Variants in PLSCR2 observed in about 807,000 individuals in gnomAD.
The protein encoded by PLSCR2 is phospholipid scramblase 2.
PLSCR2 carries 18 observed loss-of-function variants against 25.3 expected under a neutral mutation model. The ratio of observed to expected loss-of-function variants is 0.71; its 90% CI spans 0.49 to 1.06. The LOEUF is 1.06. Ranked by LOEUF, PLSCR2 falls within the 50% of genes least tolerant of loss-of-function variation. The pLI is 0.00. For synonymous variants in PLSCR2, 88 were observed against 87.3 expected, an observed-to-expected ratio of 1.01 and a Z score of -0.04; for missense variants, 243 against 269.5, an observed-to-expected ratio of 0.90 and a Z score of 0.69.
intron 2 of PLSCR2, among the ~76,000 whole-genome samples, chr3:146,426,276 T>TC (rs569745758): frequency 7.0e-6 from 1 of 143,394 alleles, no homozygotes; most frequent in Non-Finnish European, 1.5e-5. Context: ...CTTCCTTCTT[T>TC]TCTTCCTTCC....
intron 2 of PLSCR2, among the ~76,000 whole-genome samples, chr3:146,406,579 C>G (rs952312748): frequency 6.6e-6 from 1 of 152,126 alleles, no homozygotes; most frequent in Non-Finnish European, 1.5e-5. Flanking sequence ...CAAAAACAAA[C>G]AAGTGAGGTA....
chr3:146,487,014 T>C (rs1265447804), intron 1 of PLSCR2, among the ~76,000 whole-genome samples: 1 of 152,036 alleles, frequency 6.6e-6, no homozygotes, highest in African/African-American at 2.4e-5. Flanking sequence ...GTTCAACATA[T>C]GCAAATCAAT....
intron 1 of PLSCR2, among the ~76,000 whole-genome samples, chr3:146,483,509 A>ATATGTGTATATATATATATATATATAT (rs1553791539): frequency 7.9e-6 from 1 of 127,074 alleles, no homozygotes; most frequent in Non-Finnish European, 1.7e-5. Context: ...ATATATATAT[A>ATATGTGTATATATATATATATATATAT]ATGTTACTAC....
intron 1 of PLSCR2, among the ~76,000 whole-genome samples, chr3:146,492,578 C>CA (rs373265963): frequency 3.3e-5 from 5 of 151,552 alleles, no homozygotes; most frequent in African/African-American, 1.2e-4. Context: ...TAAGTCAGAT[C>CA]AAAAAAAATT....
At chr3:146,408,979 G>A (rs563112583) in intron 2 of PLSCR2, among the ~76,000 whole-genome samples, 8 of 152,156 alleles carry the variant, frequency 5.3e-5, no homozygotes, top group Non-Finnish European at 8.8e-5. Flanking sequence ...GCCTCTCTTC[G>A]GATACATTTC....
At chr3:146,456,844 T>C (rs1174879030) in intron 3 of PLSCR2, among the ~76,000 whole-genome samples, 1 of 152,084 alleles carries the variant, frequency 6.6e-6, no homozygotes, top group African/African-American at 2.4e-5. Flanking sequence ...TAAAAACTGG[T>C]AAATGTGGAA....
At chr3:146,483,145 A>G (rs899743819) in intron 1 of PLSCR2, among the ~76,000 whole-genome samples, 1 of 151,904 alleles carries the variant, frequency 6.6e-6, no homozygotes, top group African/African-American at 2.4e-5. Flanking sequence ...CCCATCTGAC[A>G]AAGGGCTAAT....
chr3:146,486,068 AT>A (rs1323556517), intron 1 of PLSCR2, among the ~76,000 whole-genome samples: 1 of 151,852 alleles, frequency 6.6e-6, no homozygotes, highest in Non-Finnish European at 1.5e-5. Context: ...GCCAAACTGT[AT>A]CAGTAAATAA....
chr3:146,484,401 C>A (rs1348780683), intron 1 of PLSCR2, among the ~76,000 whole-genome samples: 1 of 151,864 alleles, frequency 6.6e-6, no homozygotes, highest in Non-Finnish European at 1.5e-5. Context: ...CCCAACCTAG[C>A]AAGACAGGCC....
chr3:146,392,660 AAATATTT>A (rs762939034), intron 3 of PLSCR2, among the ~76,000 whole-genome samples: 3 of 151,474 alleles, frequency 2.0e-5, no homozygotes, highest in Non-Finnish European at 4.4e-5. Flanking sequence ...ATTTGCTTTT[AAATATTT>A]AATATTATGA....
intron 1 of PLSCR2, among the ~76,000 whole-genome samples, chr3:146,483,802 A>G (rs2043245759): frequency 6.6e-6 from 1 of 151,242 alleles, no homozygotes; most frequent in Non-Finnish European, 1.5e-5. Context: ...CTCAAAGATC[A>G]AAACTACACA....
chr3:146,441,806 C>A lies in PLSCR2; in HGVS notation c.661G>T (p.Glu221Ter). Residue 221 changes from glutamate to a stop codon, truncating the protein, a stop_gained, in exon 7 of 7, where the codon GAA becomes TAA. Transcript: ENST00000610787. LOFTEE classifies it high-confidence loss of function. ...CATTCCAGTCATTACCTAGTTCTTT[C>A]AAAAAACATGTAGTCCTGGATAAAA... 1 of 1,590,430 alleles carries A rather than the reference C, an allele frequency of 6.3e-7. No individual in the cohort carries two copies. Among genetic ancestry groups the A allele is most frequent in the Non-Finnish European group, 8.6e-7 (1 of 1,164,632 alleles).
intron 1 of PLSCR2, 60 bp downstream of exon 1, chr3:146,469,435 C>T (rs182347588): frequency 4.3e-6 from 4 of 919,904 alleles, no homozygotes; most frequent in South Asian, 1.0e-4. Context: ...GAGCATCGTC[C>T]CCACTAGCCA....
In PLSCR2 at chr3:146,393,563, C is replaced by T. The variant is rs371834841; in HGVS notation, c.*146-2001G>A. 3.5e-4 allele frequency among the ~76,000 whole-genome samples: 53 copies of T among 151,694 alleles called. No homozygotes were observed. In the South Asian group the frequency reaches 0.01, roughly 29 times the overall value. ...CAGTGGCTCACGTCTGTAATCCCAG[C>T]ACTTTGGGAGGCCGAGGCGGGCAGA... On this transcript the variant is annotated intron_variant and NMD_transcript_variant, in intron 3 of 3. Transcript: ENST00000463633.
At chr3:146,434,186 A>G (rs1238695968) in intron 8 of PLSCR2, among the ~76,000 whole-genome samples, 2 of 152,176 alleles carry the variant, frequency 1.3e-5, no homozygotes, top group East Asian at 3.8e-4. Flanking sequence ...TGTCAGGATA[A>G]CATATCTCAC....
downstream of PLSCR2, among the ~76,000 whole-genome samples, chr3:146,436,858 T>C (rs1341861684): frequency 2.6e-5 from 4 of 152,190 alleles, no homozygotes; most frequent in African/African-American, 7.2e-5. Context: ...GTGCCAGTTT[T>C]CAAAGGGAAT....
chr3:146,434,661 TTTTA>T (rs1162151503), intron 8 of PLSCR2, among the ~76,000 whole-genome samples: 11 of 152,012 alleles, frequency 7.2e-5, no homozygotes, highest in Admixed American at 6.6e-4. Flanking sequence ...AAACAAATGA[TTTTA>T]TTTATTTTTA....
chr3:146,488,405 GA>G (rs1289106280), intron 1 of PLSCR2, among the ~76,000 whole-genome samples: 1 of 152,082 alleles, frequency 6.6e-6, no homozygotes, highest in African/African-American at 2.4e-5. Context: ...TAATGAGTGA[GA>G]GAAAAGTTTT....
At chr3:146,490,130 G>C (rs115422285) in intron 1 of PLSCR2, among the ~76,000 whole-genome samples, 3 of 152,024 alleles carry the variant, frequency 2.0e-5, no homozygotes, top group Admixed American at 1.3e-4. Flanking sequence ...GTGGACTTCT[G>C]AAACTGGAAA....
Sources: gnomAD v4.1 joint callset for allele counts (sites outside exome capture counted in the v4.1 genomes callset) on GRCh38, gnomAD v4.1.1 for gene constraint, MANE v1.5 for transcripts, NCBI Gene and HGNC (gene_info 2026-07-23, HGNC 2026-07-21) for gene names.